ARHGAP15: variants seen among roughly 807,000 people sequenced by gnomAD.
ARHGAP15 encodes rho GTPase-activating protein 15.
A neutral mutation model predicts 63.7 loss-of-function variants in ARHGAP15; 51 were observed. The observed-to-expected ratio is 0.80, with a 90% confidence interval of 0.64 to 1.01. The LOEUF (loss-of-function observed/expected upper bound fraction) is 1.01. Ranked by LOEUF, ARHGAP15 falls within the 50% of genes least tolerant of loss-of-function variation. The pLI is 0.00. For synonymous variants in ARHGAP15, 191 were observed against 193.8 expected (o/e 0.99, Z 0.12); for missense variants, 560 against 564.6 (o/e 0.99, Z 0.08).
chr2:143,284,075 C>A (rs1681980110), intron 6 of ARHGAP15, among the ~76,000 whole-genome samples: 1 of 152,118 alleles, frequency 6.6e-6, no homozygotes, highest in African/African-American at 2.4e-5. Context: ...CCTCCCACTC[C>A]TGATTTCGTT....
intron 6 of ARHGAP15, among the ~76,000 whole-genome samples, chr2:143,324,547 C>T (rs1272226710): frequency 6.6e-6 from 1 of 152,146 alleles, no homozygotes; most frequent in Non-Finnish European, 1.5e-5. Flanking sequence ...TGAATTTGTT[C>T]AAATTTAAGC....
rs1470806729 is a variant in ARHGAP15 at position 143,472,685 on chromosome 2, TATG to T, written c.704-14678_704-14676del. Among the ~76,000 whole-genome samples, 11 of 151,812 alleles carry T rather than the reference TATG, an allele frequency of 7.2e-5. No homozygotes were observed. In the East Asian group the frequency reaches 2.1e-3, roughly 29 times the overall value. On this transcript the variant is annotated intron_variant, in intron 8 of 13. Coordinates refer to ENST00000295095, the MANE Select transcript of ARHGAP15 (RefSeq NM_018460.4). ...AGCTAAGCTAGTGAAAGCTGTAAAT[TATG>T]ATGATGATGGGGGGAATGATGAAGA...
chr2:143,364,721 C>T (rs931429101), intron 6 of ARHGAP15, among the ~76,000 whole-genome samples: 1 of 152,132 alleles, frequency 6.6e-6, no homozygotes, highest in Non-Finnish European at 1.5e-5. Context: ...TCACAGAGTA[C>T]ATGTACTAAT....
At chr2:143,193,766 T>C (rs1691768399) in intron 2 of ARHGAP15, among the ~76,000 whole-genome samples, 1 of 152,150 alleles carries the variant, frequency 6.6e-6, no homozygotes, top group Admixed American at 6.5e-5. Flanking sequence ...TAGTGATATA[T>C]GAAGAAAGGT....
At chr2:143,300,389 C>T (rs1018319791) in intron 6 of ARHGAP15, among the ~76,000 whole-genome samples, 1 of 151,960 alleles carries the variant, frequency 6.6e-6, no homozygotes, top group African/African-American at 2.4e-5. Context: ...TATACTTTTA[C>T]ATATGGTTTC....
At chr2:143,236,475 A>AT (rs1195311962) in intron 5 of ARHGAP15, 1 of 152,244 alleles carries the variant, frequency 6.6e-6, no homozygotes, top group Admixed American at 6.6e-5. Flanking sequence ...GTTCTGAAAG[A>AT]TAAAAAATGA....
chr2:143,216,480 A>T, intron 4 of ARHGAP15, 35 bp downstream of exon 4: 1 of 1,463,716 alleles, frequency 6.8e-7, no homozygotes, highest in Non-Finnish European at 9.5e-7. Context: ...TTATATAACT[A>T]TGCTGGTTCT....
At chr2:143,606,076 A>C (rs1377660099) in intron 11 of ARHGAP15, among the ~76,000 whole-genome samples, 1 of 133,594 alleles carries the variant, frequency 7.5e-6, no homozygotes, top group South Asian at 2.4e-4. Context: ...AAAAAGCCAT[A>C]CATCTGTCTC....
At chr2:143,371,330 A>G (rs889721126) in intron 6 of ARHGAP15, among the ~76,000 whole-genome samples, 2 of 152,194 alleles carry the variant, frequency 1.3e-5, no homozygotes, top group African/African-American at 2.4e-5. Context: ...AGAAGGACAA[A>G]TTGATGAGGA....
intron 6 of ARHGAP15, chr2:143,351,211 A>G (rs1685555053): frequency 6.6e-6 from 1 of 152,206 alleles, no homozygotes; most frequent in East Asian, 1.9e-4. Flanking sequence ...AAGGACTACT[A>G]GTCTATTCTT....
Position 143,289,557 on chromosome 2 carries a change from C to A in ARHGAP15, c.474+38957C>A, listed in dbSNP as rs1682285567. 2.0e-5 allele frequency among the ~76,000 whole-genome samples: 3 copies of A among 152,228 alleles called. No individual in the cohort carries two copies. In the South Asian group the frequency reaches 6.2e-4, roughly 32 times the overall value. On this transcript the variant is annotated intron_variant, in intron 6 of 13. Transcript: ENST00000295095. ...CGATAGCAGTTTACAGGGTGGAAAA[C>A]CCTGGTTGGAAAGCAGGGCACAGGC...
chr2:143,605,585 A>G (rs1471396723), intron 11 of ARHGAP15, among the ~76,000 whole-genome samples: 2 of 152,038 alleles, frequency 1.3e-5, no homozygotes, highest in East Asian at 3.9e-4. Context: ...CTAGCAAATG[A>G]TCCCTAGCTA....
At chr2:143,529,875 TGGAACTAC>T (rs1694447967) in intron 10 of ARHGAP15, among the ~76,000 whole-genome samples, 1 of 152,142 alleles carries the variant, frequency 6.6e-6, no homozygotes, top group East Asian at 1.9e-4. Flanking sequence ...CCTTATTGCC[TGGAACTAC>T]AATGGCTTGT....
intron 13 of ARHGAP15, among the ~76,000 whole-genome samples, chr2:143,733,100 C>G (rs1005961126): frequency 6.2e-4 from 94 of 152,034 alleles, no homozygotes; most frequent in African/African-American, 2.2e-3. Flanking sequence ...GGTAAAGGAG[C>G]AGTAATGTTG....
intron 8 of ARHGAP15, among the ~76,000 whole-genome samples, chr2:143,467,537 A>T (rs546763631): frequency 8.5e-5 from 13 of 152,164 alleles, no homozygotes; most frequent in Non-Finnish European, 1.5e-4. Flanking sequence ...ACCAATAAGC[A>T]TTTGTTACTG....
chr2:143,178,909 C>T (rs1691115136), intron 2 of ARHGAP15, among the ~76,000 whole-genome samples: 1 of 152,192 alleles, frequency 6.6e-6, no homozygotes, highest in Non-Finnish European at 1.5e-5. Flanking sequence ...CATCGCCAGT[C>T]TGGAATCACC....
chr2:143,758,955 G>A (rs968300709), intron 13 of ARHGAP15, among the ~76,000 whole-genome samples: 5 of 152,134 alleles, frequency 3.3e-5, no homozygotes, highest in African/African-American at 1.2e-4. Flanking sequence ...TGAGAACCAC[G>A]GATCGAATTG....
intron 8 of ARHGAP15, among the ~76,000 whole-genome samples, chr2:143,482,703 G>A (rs942097487): frequency 6.6e-6 from 1 of 152,166 alleles, no homozygotes; most frequent in Non-Finnish European, 1.5e-5. Context: ...TGTAAACCAC[G>A]ATATTCAAAG....
intron 13 of ARHGAP15, among the ~76,000 whole-genome samples, chr2:143,706,765 C>T (rs373731214): frequency 6.6e-5 from 10 of 152,246 alleles, no homozygotes; most frequent in African/African-American, 2.2e-4. Flanking sequence ...ACCAGGAATT[C>T]GGAATAAGCT....
Sources: allele counts gnomAD v4.1 joint callset (sites outside exome capture counted in the v4.1 genomes callset), GRCh38; gene constraint gnomAD v4.1.1; transcripts MANE v1.5; gene names NCBI Gene and HGNC (gene_info 2026-07-23, HGNC 2026-07-21).